Variants in APBB1IP observed in about 807,000 individuals in gnomAD.
APBB1IP encodes the protein amyloid beta A4 precursor protein-binding family B member 1-interacting protein.
Under a neutral mutation model 64.9 loss-of-function variants are expected in APBB1IP, and 27 were observed. The ratio of observed to expected loss-of-function variants is 0.42; its 90% CI spans 0.31 to 0.57. The LOEUF is 0.57. APBB1IP is among the 20% of genes least tolerant of loss of function. The probability of loss-of-function intolerance (pLI) is 0.20; values close to 1 mark genes in which losing one functional copy is unlikely to be tolerated. For synonymous variants in APBB1IP, 392 were observed against 331.0 expected, an observed-to-expected ratio of 1.18 and a Z score of -2.00; for missense variants, 812 against 845.5, an observed-to-expected ratio of 0.96 and a Z score of 0.49.
chr10:26,559,985 T>G, intron 11 of APBB1IP, 120 bp from the exon 12 acceptor site: 1 of 773,012 alleles, frequency 1.3e-6, no homozygotes, highest in Non-Finnish European at 2.2e-6. Context: ...TTACAACCAG[T>G]AATTTTTGCC....
At chr10:26,511,368 C>T (rs1417185291) in intron 6 of APBB1IP, among the ~76,000 whole-genome samples, 1 of 152,030 alleles carries the variant, frequency 6.6e-6, no homozygotes, top group East Asian at 1.9e-4. Flanking sequence ...AATAAAGATA[C>T]AGACATAGCT....
intron 5 of APBB1IP, chr10:26,501,362 A>C (rs1399316851): frequency 1.3e-5 from 7 of 551,056 alleles, no homozygotes; most frequent in Non-Finnish European, 2.2e-5. Flanking sequence ...TTGTATGCAA[A>C]AACTATTTGA....
chr10:26,513,704 A>ATTTT lies in APBB1IP; in HGVS notation c.813+55_813+58dup. On this transcript the variant is annotated intron_variant, in intron 8 of 14. Transcript: ENST00000376236. ...TGTTAAACCCTATAAAGTACAAAGG[A>ATTTT]TTTTTTTTTTTTTTGAGACGGAGTC... The ATTTT allele has an allele frequency of 3.6e-6, 5 of 1,376,954 alleles. No homozygotes were observed. In the South Asian group the frequency reaches 7.1e-5, roughly 20 times the overall value. 85.3% of individuals were successfully genotyped at this position (1,376,954 alleles called of 1,614,324 possible).
rs201000363 is a variant in APBB1IP, at chr10:26,536,203, A to C, written c.1030A>C (p.Lys344Gln). The change falls in exon 10 of 15, where the codon AAA (lysine) becomes CAA (glutamine). Residue 344 changes from lysine to glutamine, a missense_variant. Coordinates refer to ENST00000376236, the MANE Select transcript of APBB1IP (RefSeq NM_019043.4). ...LRASGIYYVPKGKTKTSRDLA... is the reference protein window; with the variant it reads ...LRASGIYYVPQGKTKTSRDLA... ...GGCTTCTGGAATTTATTATGTACCC[A>C]AAGGAAAGACTAAGGTCAGAAAAAA... The C allele has an allele frequency of 6.3e-7, 1 of 1,580,708 alleles. No individual in the cohort carries two copies. Among genetic ancestry groups the C allele is most frequent in the East Asian group, 2.3e-5 (1 of 44,268 alleles).
At position 26,560,727 on chromosome 10, in the gene APBB1IP, C is replaced by A; in HGVS notation, c.1255-3C>A. The A allele has an allele frequency of 6.3e-7, 1 of 1,577,392 alleles. No homozygotes were observed. Among genetic ancestry groups the A allele is most frequent in the Non-Finnish European group, 8.6e-7 (1 of 1,161,792 alleles). On this transcript the variant is annotated splice_polypyrimidine_tract_variant and splice_region_variant and intron_variant, in intron 12 of 14. Transcript: ENST00000376236. Reference sequence around the variant, plus strand: ...TCCTTCTTCCTTTGTGTTCTCTCCCCAGTATGGGAAGACTCTCTATGATAA... The same window carrying A: ...TCCTTCTTCCTTTGTGTTCTCTCCCAAGTATGGGAAGACTCTCTATGATAA...
intron 2 of APBB1IP, among the ~76,000 whole-genome samples, chr10:26,491,734 A>ACTC (rs1393102941): frequency 4.2e-5 from 6 of 142,130 alleles, no homozygotes; most frequent in Non-Finnish European, 9.2e-5. Flanking sequence ...ATGCTTAATC[A>ACTC]CTCCTCACAT....
chr10:26,482,073 C>G (rs1212308489), intron 2 of APBB1IP, among the ~76,000 whole-genome samples: 1 of 152,038 alleles, frequency 6.6e-6, no homozygotes, highest in Non-Finnish European at 1.5e-5. Context: ...ATACACATGT[C>G]CATATGAATT....
rs938660407 is a variant in APBB1IP at position 26,515,099 on chromosome 10, T to C, written c.813+1439T>C. Reference sequence around the variant, plus strand: ...GGTTTCACCGTGTTGGCCAGGGTGATCTTGATCTCCTGACCTCGTGATCCG... The same window carrying C: ...GGTTTCACCGTGTTGGCCAGGGTGACCTTGATCTCCTGACCTCGTGATCCG... On this transcript the variant is annotated intron_variant, in intron 8 of 14. Transcript: ENST00000376236. Among the ~76,000 whole-genome samples, 3 of 150,762 alleles carry C rather than the reference T, an allele frequency of 2.0e-5. No individual in the cohort carries two copies. The East Asian group carries it at 5.9e-4, about 29-fold the overall frequency.
At chr10:26,531,631 G>C (rs1036002180) in intron 8 of APBB1IP, among the ~76,000 whole-genome samples, 141 of 147,556 alleles carry the variant, frequency 9.6e-4, no homozygotes, top group African/African-American at 2.8e-3. Context: ...GGCGCCACTG[G>C]ACTCCAGCCT....
intron 11 of APBB1IP, among the ~76,000 whole-genome samples, chr10:26,548,469 C>A (rs1836793917): frequency 6.6e-6 from 1 of 151,696 alleles, no homozygotes; most frequent in Non-Finnish European, 1.5e-5. Flanking sequence ...AATATTAATT[C>A]TTCCAATTTA....
chr10:26,476,274 G>A (rs933453088), intron 2 of APBB1IP, among the ~76,000 whole-genome samples: 1 of 151,328 alleles, frequency 6.6e-6, no homozygotes, highest in Non-Finnish European at 1.5e-5. Flanking sequence ...GGCCAGGCTG[G>A]TCTCAAACTA....
At chr10:26,467,261 C>T (rs927493205) in intron 2 of APBB1IP, among the ~76,000 whole-genome samples, 7 of 151,974 alleles carry the variant, frequency 4.6e-5, no homozygotes, top group Non-Finnish European at 8.8e-5. Flanking sequence ...GTTTTTTCCT[C>T]ATGCTTGACA....
At chr10:26,530,130 C>G (rs1836530146) in intron 8 of APBB1IP, among the ~76,000 whole-genome samples, 1 of 152,128 alleles carries the variant, frequency 6.6e-6, no homozygotes, top group African/African-American at 2.4e-5. Flanking sequence ...GACTTATCAT[C>G]TTAACCATTT....
rs770067042 is a variant in APBB1IP, at chr10:26,533,465, A to G, written c.840A>G (p.Lys280=). ...PQNFYLDNRG[K]KESKETNEKM... is the part of the protein sequence containing the mutation. ...ATTTCTACTTGGATAACAGAGGAAA[A>G]AAAGAAAGCAAGGAAACTAATGAGA... Residue 280 remains lysine, a synonymous_variant, in exon 9 of 15, where the codon AAA becomes AAG. Coordinates refer to ENST00000376236, the MANE Select transcript of APBB1IP (RefSeq NM_019043.4). The G allele has an allele frequency of 6.2e-7, 1 of 1,604,420 alleles. No individual in the cohort carries two copies. The highest frequency in any genetic ancestry group is 1.1e-5 in the South Asian group (1 of 89,050).
At chr10:26,494,937 T>C (rs1483166783) in intron 3 of APBB1IP, among the ~76,000 whole-genome samples, 2 of 152,212 alleles carry the variant, frequency 1.3e-5, no homozygotes, top group East Asian at 1.9e-4. Context: ...TACAAGACAG[T>C]TGGCTTAGAG....
At position 26,492,310 on chromosome 10, in the gene APBB1IP, G is replaced by T; in HGVS notation, c.1-17G>T. On this transcript the variant is annotated splice_polypyrimidine_tract_variant and intron_variant, in intron 2 of 14. Coordinates refer to ENST00000376236, the MANE Select transcript of APBB1IP (RefSeq NM_019043.4). ...CTTTTATGAGACTGCTAATATCTCA[G>T]TTTCTTCCTTTTTCAGATGGGTGAG... 2 of 1,611,996 alleles carry T rather than the reference G, an allele frequency of 1.2e-6. No homozygotes were observed. The highest frequency in any genetic ancestry group is 1.7e-6 in the Non-Finnish European group (2 of 1,178,498).
chr10:26,481,826 CGTGTGTGTGTGTGT>C (rs71521683), intron 2 of APBB1IP, among the ~76,000 whole-genome samples: 18 of 143,344 alleles, frequency 1.3e-4, no homozygotes, highest in East Asian at 6.2e-4. Flanking sequence ...CATCTCATTA[CGTGTGTGTGTGTGT>C]GTGTGTGTGT....
At chr10:26,513,700 A>G in intron 8 of APBB1IP, 40 bp downstream of exon 8, 1 of 1,529,872 alleles carries the variant, frequency 6.5e-7, no homozygotes, top group Non-Finnish European at 8.7e-7. Context: ...ATAAAGTACA[A>G]AGGATTTTTT....
chr10:26,465,834 T>G (rs1564352137), intron 2 of APBB1IP, among the ~76,000 whole-genome samples: 1 of 152,198 alleles, frequency 6.6e-6, no homozygotes, highest in Non-Finnish European at 1.5e-5. Context: ...AGGCATAACC[T>G]CTAAAGCATA....
Sources: allele counts gnomAD v4.1 joint callset (sites outside exome capture counted in the v4.1 genomes callset), GRCh38; gene constraint gnomAD v4.1.1; transcripts MANE v1.5; gene names NCBI Gene and HGNC (gene_info 2026-07-23, HGNC 2026-07-21).